The following GCNT3 variants were observed in gnomAD, a reference collection of about 807,000 sequenced individuals.
GCNT3 encodes the protein glucosaminyl (N-acetyl) transferase 3, mucin type.
For synonymous variants in GCNT3, 269 were observed against 195.2 expected (o/e 1.38, Z -3.15); for missense variants, 708 against 530.3 (o/e 1.34, Z -3.29).
chr15:59,613,048 A>G lies in GCNT3; in HGVS notation c.-251+1067A>G, dbSNP rs1418887826. Among the ~76,000 whole-genome samples the G allele has an allele frequency of 2.9e-4, 44 of 151,546 alleles. 1 individual carries two copies. The highest frequency in any genetic ancestry group is 1.0e-3 in the African/African-American group (42 of 41,474). On this transcript the variant is annotated intron_variant, in intron 1 of 2. Transcript: ENST00000396065. Reference sequence around the variant, plus strand: ...TGTGGGCTAGCACTGGATCTATTTCATGATAACCTTCACTGAGGGGCTGTA... The same window carrying G: ...TGTGGGCTAGCACTGGATCTATTTCGTGATAACCTTCACTGAGGGGCTGTA...
rs1007353193 is a variant in GCNT3 at position 59,619,096 on chromosome 15, C to T, written c.858C>T (p.Pro286=). 9 of 1,614,052 alleles carry T rather than the reference C, an allele frequency of 5.6e-6. No homozygotes were observed. The East Asian group carries it at 1.8e-4, about 32-fold the overall frequency. ...LHLTNKKKDP[P]PYNLTMFTGN... The stretch of plus-strand genomic sequence containing the variant: ...TAACCAACAAGAAGAAGGATCCTCC[C>T]CCTTATAATTTAACTATGTTTACAG... The change falls in exon 3 of 3, where the codon CCC becomes CCT. Residue 286 remains proline, a synonymous_variant. Coordinates refer to ENST00000396065, the MANE Select transcript of GCNT3 (RefSeq NM_004751.3).
chr15:59,618,554 C>G lies in GCNT3; in HGVS notation c.316C>G (p.Leu106Val), dbSNP rs1163659225. The G allele has an allele frequency of 6.2e-7, 1 of 1,614,172 alleles. No individual in the cohort carries two copies. Among genetic ancestry groups the G allele is most frequent in the Admixed American group, 1.7e-5 (1 of 60,026 alleles). Residue 106 changes from leucine (L) to valine (V), a missense_variant, in exon 3 of 3, where the codon CTC becomes GTC. Transcript: ENST00000396065. ...TTTCACAGACACCCACTACCTCTCC[C>G]TCACCAGAGACTGTGAGCACTTCAA... ...EPFTDTHYLS[L>V]TRDCEHFKAE...
intron 1 of GCNT3, among the ~76,000 whole-genome samples, chr15:59,612,636 C>T (rs907662862): frequency 1.2e-4 from 18 of 152,146 alleles, no homozygotes; most frequent in African/African-American, 2.9e-4. Flanking sequence ...TCTGGGACTG[C>T]GCCCTTTCTC....
At chr15:59,613,834 C>A (rs1394956301) in intron 1 of GCNT3, among the ~76,000 whole-genome samples, 1 of 151,934 alleles carries the variant, frequency 6.6e-6, no homozygotes, top group Non-Finnish European at 1.5e-5. Flanking sequence ...ACAGTGAAAC[C>A]GCATCTCTAC....
chr15:59,619,079 A>G lies in GCNT3; in HGVS notation c.841A>G (p.Lys281Glu). The change falls in exon 3 of 3, where the codon AAG (lysine) becomes GAG (glutamate). Residue 281 changes from lysine (K) to glutamate (E), a missense_variant. Transcript: ENST00000396065. The stretch of plus-strand genomic sequence containing the variant: ...GAGAGACACATTACACCTAACCAAC[A>G]AGAAGAAGGATCCTCCCCCTTATAA... The part of the protein sequence containing the change: ...VVRDTLHLTN[K>E]KKDPPPYNLT... 4 of 1,614,120 alleles carry G rather than the reference A, an allele frequency of 2.5e-6. No homozygotes were observed. The highest frequency in any genetic ancestry group is 1.1e-5 in the South Asian group (1 of 91,088).
At chr15:59,613,223 G>T (rs976023550) in intron 1 of GCNT3, among the ~76,000 whole-genome samples, 3 of 151,982 alleles carry the variant, frequency 2.0e-5, no homozygotes, top group Non-Finnish European at 4.4e-5. Flanking sequence ...AGATCATTCA[G>T]CTTGAATGTG....
At position 59,614,400 on chromosome 15, in the gene GCNT3, A is replaced by C. The variant is rs2082710369; in HGVS notation, c.-250-2292A>C. ...AATTCAGGGCGAGTCCGTAAAGTGA[A>C]AGCAAGTTCATTAAGAAAGTAAAGG... On this transcript the variant is annotated intron_variant, in intron 1 of 2. Coordinates refer to ENST00000396065, the MANE Select transcript of GCNT3 (RefSeq NM_004751.3). Among the ~76,000 whole-genome samples, 3 of 152,172 alleles carry C rather than the reference A, an allele frequency of 2.0e-5. No individual in the cohort carries two copies. The South Asian group carries it at 6.2e-4, about 32-fold the overall frequency.
Position 59,618,541 on chromosome 15 carries a change from C to A in GCNT3, c.303C>A (p.Thr101=), listed in dbSNP as rs1453048647. 2.5e-6 allele frequency: 4 copies of A among 1,613,974 alleles called. No homozygotes were observed. The highest frequency in any genetic ancestry group is 3.4e-6 in the Non-Finnish European group (4 of 1,180,028). ...AGAAGCGAGAGCCTTTCACAGACACCCACTACCTCTCCCTCACCAGAGACT... is the reference window on the plus strand; with the variant it reads ...AGAAGCGAGAGCCTTTCACAGACACACACTACCTCTCCCTCACCAGAGACT... The part of the protein sequence containing the change: ...VKKKREPFTD[T]HYLSLTRDCE... The change falls in exon 3 of 3, where the codon ACC becomes ACA. Residue 101 remains threonine (T), a synonymous_variant. Coordinates refer to ENST00000396065, the MANE Select transcript of GCNT3 (RefSeq NM_004751.3).
Position 59,619,063 on chromosome 15 carries a change from A to AT in GCNT3, c.827dup (p.Leu276PhefsTer14), listed in dbSNP as rs1218824934. ...ATCACTTTGAGGTAGTGAGAGACAC[A>AT]TTACACCTAACCAACAAGAAGAAGG... On this transcript the variant is annotated frameshift_variant, in exon 3 of 3. Transcript: ENST00000396065. LOFTEE classifies it low-confidence loss of function (END_TRUNC). The AT allele has an allele frequency of 6.2e-7, 1 of 1,614,154 alleles. No homozygotes were observed. Among genetic ancestry groups the AT allele is most frequent in the African/African-American group, 1.3e-5 (1 of 75,046 alleles).
chr15:59,618,225 C>G lies in GCNT3; in HGVS notation c.-14C>G, dbSNP rs2082728501. The G allele has an allele frequency of 2.7e-6, 4 of 1,469,348 alleles. No individual in the cohort carries two copies. Among genetic ancestry groups the G allele is most frequent in the Non-Finnish European group, 3.7e-6 (4 of 1,075,470 alleles). The allele number at this position is 1,469,348 out of a possible 1,614,324, so 91.0% of individuals were successfully genotyped here. On this transcript the variant is annotated 5_prime_UTR_variant, in exon 3 of 3. Coordinates refer to ENST00000396065, the MANE Select transcript of GCNT3 (RefSeq NM_004751.3). ...CCCTGTGCTCGGTCTCCACCTGTCT[C>G]CCATTCTGTGACGATGGTTCAATGG...
rs530158741 is a variant in GCNT3, at chr15:59,611,836, C to T, written c.-396C>T. On this transcript the variant is annotated 5_prime_UTR_variant, in exon 1 of 3. Transcript: ENST00000396065. ...GGGAACTGCCCTTGCTACTTGTGAC[C>T]TGCCCTTTACTCAGCAGTTTTTGTT... The T allele has an allele frequency of 1.3e-5, 2 of 152,278 alleles. No homozygotes were observed. Among genetic ancestry groups the T allele is most frequent in the African/African-American group, 4.8e-5 (2 of 41,542 alleles). 9.4% of individuals were successfully genotyped at this position (152,278 alleles called of 1,614,324 possible).
chr15:59,613,250 G>C (rs1365938213), intron 1 of GCNT3, among the ~76,000 whole-genome samples: 1 of 152,084 alleles, frequency 6.6e-6, no homozygotes, highest in African/African-American at 2.4e-5. Flanking sequence ...CCAGGATTCA[G>C]ACCTAGCTTT....
chr15:59,613,253 C>T lies in GCNT3; in HGVS notation c.-251+1272C>T, dbSNP rs1350459337. 2.0e-5 allele frequency among the ~76,000 whole-genome samples: 3 copies of T among 152,138 alleles called. No individual in the cohort carries two copies. In the East Asian group the frequency reaches 5.8e-4, roughly 29 times the overall value. On this transcript the variant is annotated intron_variant, in intron 1 of 2. Coordinates refer to ENST00000396065, the MANE Select transcript of GCNT3 (RefSeq NM_004751.3). ...AATGTGGCAGAGCCAGGATTCAGACCTAGCTTTTTTGGGCTGAGTCCCACG... is the reference window on the plus strand; with the variant it reads ...AATGTGGCAGAGCCAGGATTCAGACTTAGCTTTTTTGGGCTGAGTCCCACG...
rs923490452 is a variant in GCNT3 at position 59,620,812 on chromosome 15, C to G, written c.*1257C>G. On this transcript the variant is annotated 3_prime_UTR_variant, in exon 3 of 3. Coordinates refer to ENST00000396065, the MANE Select transcript of GCNT3 (RefSeq NM_004751.3). ...ATTGAGAAATAAAAATAAACTAGGA[C>G]TATTCAGTTAAACCAGGATGTCTTA... The G allele has an allele frequency of 5.0e-5, 8 of 160,372 alleles. No homozygotes were observed. Among genetic ancestry groups the G allele is most frequent in the African/African-American group, 2.0e-4 (8 of 39,628 alleles). 9.9% of individuals were successfully genotyped at this position (160,372 alleles called of 1,614,324 possible).
At chr15:59,613,473 G>C (rs2082705225) in intron 1 of GCNT3, among the ~76,000 whole-genome samples, 2 of 151,380 alleles carry the variant, frequency 1.3e-5, no homozygotes, top group African/African-American at 4.9e-5. Flanking sequence ...GGCTGAGGCG[G>C]GGAGATTGCT....
chr15:59,612,508 C>T (rs954540398), intron 1 of GCNT3, among the ~76,000 whole-genome samples: 1 of 152,294 alleles, frequency 6.6e-6, no homozygotes, highest in Admixed American at 6.5e-5. Context: ...GATAAATTTG[C>T]TTTCAGCATC....
At chr15:59,616,038 C>T (rs1414709155) in intron 1 of GCNT3, among the ~76,000 whole-genome samples, 1 of 152,156 alleles carries the variant, frequency 6.6e-6, no homozygotes, top group Non-Finnish European at 1.5e-5. Context: ...AAAACCACCC[C>T]ATGGGGCTCT....
Position 59,620,761 on chromosome 15 carries a change from G to C in GCNT3, c.*1206G>C, listed in dbSNP as rs1473262497. The C allele has an allele frequency of 6.0e-6, 1 of 166,806 alleles. No homozygotes were observed. Among genetic ancestry groups the C allele is most frequent in the African/African-American group, 2.4e-5 (1 of 41,362 alleles). The allele number at this position is 166,806 out of a possible 1,614,324, so 10.3% of individuals were successfully genotyped here. On this transcript the variant is annotated 3_prime_UTR_variant, in exon 3 of 3. Coordinates refer to ENST00000396065, the MANE Select transcript of GCNT3 (RefSeq NM_004751.3). ...CAAAGTGGAACATGTTTTTGTAGGG[G>C]GAGAGTCTGCACTATTAATAATTGT...
Position 59,619,076 on chromosome 15 carries a change from A to G in GCNT3, c.838A>G (p.Asn280Asp), listed in dbSNP as rs368872693. The G allele has an allele frequency of 2.0e-4, 330 of 1,614,038 alleles. No individual in the cohort carries two copies. The highest frequency in any genetic ancestry group is 2.7e-4 in the Non-Finnish European group (318 of 1,180,002). Reference sequence around the variant, plus strand: ...AGTGAGAGACACATTACACCTAACCAACAAGAAGAAGGATCCTCCCCCTTA... The same window carrying G: ...AGTGAGAGACACATTACACCTAACCGACAAGAAGAAGGATCCTCCCCCTTA... ...EVVRDTLHLT[N>D]KKKDPPPYNL... is the part of the protein sequence containing the mutation. The change falls in exon 3 of 3, where the codon AAC becomes GAC. Residue 280 changes from asparagine (N) to aspartate (D), a missense_variant. Asn to Asp is a conservative substitution (Grantham distance 23, BLOSUM62 1). Coordinates refer to ENST00000396065, the MANE Select transcript of GCNT3 (RefSeq NM_004751.3).
Sources: allele counts gnomAD v4.1 joint callset (sites outside exome capture counted in the v4.1 genomes callset), GRCh38; gene constraint gnomAD v4.1.1; transcripts MANE v1.5; gene names NCBI Gene and HGNC (gene_info 2026-07-23, HGNC 2026-07-21).